Variants in ROBO2 observed in about 807,000 individuals in gnomAD.
The protein encoded by ROBO2 is roundabout homolog 2.
ROBO2 carries 53 observed loss-of-function variants against 160.8 expected under a neutral mutation model. The ratio of observed to expected loss-of-function variants is 0.33; its 90% CI spans 0.26 to 0.41. The LOEUF (loss-of-function observed/expected upper bound fraction) is 0.41, where lower values mean the gene tolerates loss of function less well. ROBO2 is among the 10% of genes least tolerant of loss of function. ROBO2 has a pLI of 1.00. For synonymous variants in ROBO2, 664 were observed against 611.7 expected (o/e 1.09, Z -1.26); for missense variants, 1,577 against 1,722.4 (o/e 0.92, Z 1.49).
intron 2 of ROBO2, among the ~76,000 whole-genome samples, chr3:77,202,789 G>T (rs1055780580): frequency 1.3e-5 from 2 of 151,168 alleles, no homozygotes; most frequent in African/African-American, 4.9e-5. Flanking sequence ...TGCCTATCAG[G>T]TGCCTCCCTG....
chr3:76,777,962 C>T (rs114310495), intron 2 of ROBO2, among the ~76,000 whole-genome samples: 1 of 151,202 alleles, frequency 6.6e-6, no homozygotes, highest in Non-Finnish European at 1.5e-5. Flanking sequence ...TTACCATAGG[C>T]CCCTCTAATG....
At chr3:77,251,869 G>C (rs1314622614) in intron 2 of ROBO2, among the ~76,000 whole-genome samples, 1 of 152,150 alleles carries the variant, frequency 6.6e-6, no homozygotes, top group Non-Finnish European at 1.5e-5. Context: ...GGAACTGCGA[G>C]TCCGTTAAAC....
At chr3:76,764,084 C>G (rs2061450499) in intron 2 of ROBO2, among the ~76,000 whole-genome samples, 1 of 151,746 alleles carries the variant, frequency 6.6e-6, no homozygotes, top group Non-Finnish European at 1.5e-5. Context: ...AGCCAACTCA[C>G]ACACAGTAAA....
At chr3:77,631,986 A>G (rs2095173169) in intron 23 of ROBO2, 1 of 152,154 alleles carries the variant, frequency 6.6e-6, no homozygotes, top group South Asian at 2.1e-4. Flanking sequence ...TTAAGTTTAA[A>G]TTTTAAAATC....
At chr3:76,710,864 A>T (rs371712667) in intron 2 of ROBO2, among the ~76,000 whole-genome samples, 50 of 152,302 alleles carry the variant, frequency 3.3e-4, no homozygotes, top group African/African-American at 1.2e-3. Context: ...GATGCGATAG[A>T]AAGTGAGAAA....
At chr3:76,123,842 G>T (rs2070853868) in intron 2 of ROBO2, among the ~76,000 whole-genome samples, 2 of 152,030 alleles carry the variant, frequency 1.3e-5, no homozygotes, top group South Asian at 4.1e-4. Context: ...TATTTATGGG[G>T]TGGAGGTGAT....
At chr3:76,966,799 C>T (rs13085262) in intron 2 of ROBO2, among the ~76,000 whole-genome samples, 3 of 151,980 alleles carry the variant, frequency 2.0e-5, no homozygotes, top group Admixed American at 2.0e-4. Context: ...CCCGGTATAC[C>T]GTAAGCATTC....
At chr3:76,742,935 G>A (rs945263783) in intron 2 of ROBO2, among the ~76,000 whole-genome samples, 5 of 151,832 alleles carry the variant, frequency 3.3e-5, no homozygotes, top group African/African-American at 1.2e-4. Flanking sequence ...CAGCTCTATG[G>A]CCAACAGTGT....
intron 2 of ROBO2, among the ~76,000 whole-genome samples, chr3:76,377,671 G>T (rs1317215694): frequency 6.6e-6 from 1 of 152,164 alleles, no homozygotes; most frequent in South Asian, 2.1e-4. Flanking sequence ...AAAGTTCATA[G>T]ATGTTTACTG....
intron 2 of ROBO2, among the ~76,000 whole-genome samples, chr3:76,692,397 G>A (rs534799475): frequency 1.1e-4 from 16 of 152,232 alleles, no homozygotes; most frequent in Admixed American, 3.9e-4. Flanking sequence ...CATTTGTGCC[G>A]AGGATGGTGG....
chr3:77,623,056 G>C (rs1406350073), intron 23 of ROBO2, among the ~76,000 whole-genome samples: 2 of 151,888 alleles, frequency 1.3e-5, no homozygotes, highest in Non-Finnish European at 2.9e-5. Flanking sequence ...GAGTTGCATT[G>C]GTACTCTTCT....
chr3:76,434,166 G>A, intron 2 of ROBO2: 1 of 1,164,588 alleles, frequency 8.6e-7, no homozygotes, highest in Admixed American at 1.7e-5. Flanking sequence ...TCCTGTGGCA[G>A]AGTATTTGAA....
intron 2 of ROBO2, among the ~76,000 whole-genome samples, chr3:75,954,150 G>A (rs1341979551): frequency 6.6e-6 from 1 of 151,824 alleles, no homozygotes; most frequent in African/African-American, 2.4e-5. Flanking sequence ...TGATATGCTA[G>A]GTTGTAAGGA....
chr3:77,329,330 T>A (rs2065757870), intron 2 of ROBO2, among the ~76,000 whole-genome samples: 1 of 152,214 alleles, frequency 6.6e-6, no homozygotes, highest in African/African-American at 2.4e-5. Flanking sequence ...CTTTGGAAAC[T>A]TCTGTTTCTA....
chr3:77,240,590 G>A (rs920457889), intron 2 of ROBO2, among the ~76,000 whole-genome samples: 4 of 152,204 alleles, frequency 2.6e-5, no homozygotes, highest in African/African-American at 9.6e-5. Flanking sequence ...CACCGTGGCC[G>A]AGGAGGCACT....
In ROBO2 at chr3:77,382,361, T is replaced by TA. The variant is rs72399182; in HGVS notation, c.389-95053_389-95052insA. Among the ~76,000 whole-genome samples, 212 of 31,034 alleles carry TA rather than the reference T, an allele frequency of 6.8e-3. 2 individuals carry two copies. The East Asian group carries it at 0.084, about 12-fold the overall frequency. 20.4% of individuals were successfully genotyped at this position (31,034 alleles called of 152,430 possible). On this transcript the variant is annotated intron_variant, in intron 2 of 25. Coordinates refer to ENST00000461745, the Ensembl canonical transcript of ROBO2. ...AACACATGTCCTTTTTTTTTTTTTT[T>TA]TAAAAAGTCTTTTTTTAGGTGTTTT...
chr3:77,036,390 A>G (rs555025478), upstream of ROBO2, among the ~76,000 whole-genome samples: 1 of 152,154 alleles, frequency 6.6e-6, no homozygotes, highest in Non-Finnish European at 1.5e-5. Context: ...CACGTTGAAA[A>G]GAGTAAAAAA....
chr3:76,627,453 G>A (rs532281590), intron 2 of ROBO2, among the ~76,000 whole-genome samples: 15 of 152,310 alleles, frequency 9.8e-5, no homozygotes, highest in African/African-American at 2.6e-4. Flanking sequence ...TATTGTTCGC[G>A]TATGGAAGCA....
At chr3:76,624,245 G>GT (rs2089447920) in intron 2 of ROBO2, among the ~76,000 whole-genome samples, 1 of 152,044 alleles carries the variant, frequency 6.6e-6, no homozygotes, top group Non-Finnish European at 1.5e-5. Flanking sequence ...TTTACCACAC[G>GT]TTTTTAAATT....
Sources: gnomAD v4.1 joint callset for allele counts (sites outside exome capture counted in the v4.1 genomes callset) on GRCh38, gnomAD v4.1.1 for gene constraint, MANE v1.5 for transcripts, NCBI Gene and HGNC (gene_info 2026-07-23, HGNC 2026-07-21) for gene names.